TP53BP1: variants seen among roughly 807,000 people sequenced by gnomAD.
TP53BP1 encodes the protein tumor protein p53 binding protein 1, also known as TP53-binding protein 1.
A neutral mutation model predicts 200.8 loss-of-function variants in TP53BP1; 61 were observed. The ratio of observed to expected loss-of-function variants is 0.30; its 90% confidence interval spans 0.25 to 0.38. TP53BP1 has a LOEUF of 0.38. TP53BP1 is among the 10% of genes least tolerant of loss of function. The pLI is 1.00. For synonymous variants in TP53BP1, 822 were observed against 844.3 expected (o/e 0.97, Z 0.46); for missense variants, 2,144 against 2,371.9 (o/e 0.90, Z 2.00).
intron 1 of TP53BP1, among the ~76,000 whole-genome samples, chr15:43,509,912 G>A (rs1348833141): frequency 6.6e-6 from 1 of 152,138 alleles, no homozygotes; most frequent in East Asian, 1.9e-4. Context: ...TAGGGTGAAA[G>A]ATAGGCGCTC....
chr15:43,462,129 C>T (rs199946616), intron 11 of TP53BP1, among the ~76,000 whole-genome samples: 1 of 142,222 alleles, frequency 7.0e-6, no homozygotes, highest in Admixed American at 7.5e-5. Flanking sequence ...GTCAGGAGTT[C>T]GAGACCAGCC....
At chr15:43,439,015 A>G (rs190141370) in intron 15 of TP53BP1, among the ~76,000 whole-genome samples, 6 of 152,320 alleles carry the variant, frequency 3.9e-5, no homozygotes, top group Admixed American at 3.9e-4. Flanking sequence ...AAAATTATAT[A>G]ATGCTGAAAT....
chr15:43,458,494 C>T (rs1047624599), intron 11 of TP53BP1, among the ~76,000 whole-genome samples: 6 of 150,236 alleles, frequency 4.0e-5, no homozygotes, highest in African/African-American at 1.5e-4. Context: ...GGCATCGTGG[C>T]TCAGCCAGGG....
At chr15:43,491,476 A>C (rs2079121583) in intron 4 of TP53BP1, among the ~76,000 whole-genome samples, 193 bp downstream of exon 4, 1 of 152,168 alleles carries the variant, frequency 6.6e-6, no homozygotes, top group African/African-American at 2.4e-5. Flanking sequence ...TGTAGGTATA[A>C]AAATTATTAC....
intron 14 of TP53BP1, among the ~76,000 whole-genome samples, chr15:43,442,919 G>A (rs2045963663): frequency 1.4e-5 from 2 of 145,826 alleles, no homozygotes; most frequent in South Asian, 2.2e-4. Context: ...TCCGCCTCTC[G>A]GGTTCAAGAG....
At chr15:43,510,334 A>G (rs2079266015) in intron 1 of TP53BP1, 1 of 152,510 alleles carries the variant, frequency 6.6e-6, no homozygotes, top group Non-Finnish European at 1.5e-5. Flanking sequence ...GATGGAAACT[A>G]GCCAGCCAAC....
chr15:43,458,489 C>T lies in TP53BP1; in HGVS notation c.1390-1271G>A, dbSNP rs138493808. On this transcript the variant is annotated intron_variant, in intron 11 of 27. Coordinates refer to ENST00000382044, the MANE Select transcript of TP53BP1 (RefSeq NM_001141980.3). ...AATAGTTCACAAAACAGTCAGGCAT[C>T]GTGGCTCAGCCAGGGATGGTGGCTC... 5.5e-4 allele frequency among the ~76,000 whole-genome samples: 83 copies of T among 151,770 alleles called. 2 individuals carry two copies. The East Asian group carries it at 0.011, about 20-fold the overall frequency.
chr15:43,474,736 C>A lies in TP53BP1; in HGVS notation c.1117G>T (p.Asp373Tyr). 2 of 1,613,214 alleles carry A rather than the reference C, an allele frequency of 1.2e-6. No individual in the cohort carries two copies. Among genetic ancestry groups the A allele is most frequent in the Non-Finnish European group, 1.7e-6 (2 of 1,179,256 alleles). ...NSSDLVAPSPDAFRSTPFIVP... is the reference protein window; with the variant it reads ...NSSDLVAPSPYAFRSTPFIVP... The stretch of plus-strand genomic sequence containing the variant: ...ATAAAAGGAGTAGATCGGAAAGCAT[C>A]AGGAGAAGGAGCAACAAGATCTGAA... The change falls in exon 10 of 28, where the codon GAT (aspartate) becomes TAT (tyrosine). Residue 373 changes from aspartate (D) to tyrosine (Y), a missense_variant. Around this residue, in one of 4 missense-constraint regions of TP53BP1, gnomAD observed 1,700 missense variants for 1,710.3 expected, o/e 0.99. Transcript: ENST00000382044.
At chr15:43,454,110 C>A (rs2046236926) in intron 12 of TP53BP1, among the ~76,000 whole-genome samples, 1 of 151,508 alleles carries the variant, frequency 6.6e-6, no homozygotes, top group African/African-American at 2.4e-5. Flanking sequence ...GAGGCTGAGG[C>A]AGGAGAATTG....
At chr15:43,473,815 T>C (rs1424540126) in intron 10 of TP53BP1, among the ~76,000 whole-genome samples, 3 of 152,258 alleles carry the variant, frequency 2.0e-5, no homozygotes, top group Non-Finnish European at 4.4e-5. Context: ...CTTCACCCAG[T>C]GGATCTCGCA....
At chr15:43,495,018 A>G (rs981102102), upstream of TP53BP1, among the ~76,000 whole-genome samples, 5 of 151,710 alleles carry the variant, frequency 3.3e-5, no homozygotes, top group Non-Finnish European at 7.4e-5. Context: ...GCAAAAGCCC[A>G]TCTCTAAAAA....
intron 12 of TP53BP1, among the ~76,000 whole-genome samples, chr15:43,450,162 C>T (rs747251497): frequency 2.0e-5 from 3 of 152,166 alleles, no homozygotes; most frequent in African/African-American, 7.2e-5. Flanking sequence ...CAAAAGGAAA[C>T]TCAATACTAA....
chr15:43,412,725 G>A (rs2045153266), intron 24 of TP53BP1: 1 of 472,034 alleles, frequency 2.1e-6, no homozygotes, highest in Non-Finnish European at 4.4e-6. Flanking sequence ...TGGGGAAGAT[G>A]GCAGGGCATT....
In TP53BP1 at chr15:43,416,434, TA is replaced by T. The variant is rs1160470188; in HGVS notation, c.4682-19del. 3.7e-6 allele frequency: 6 copies of T among 1,610,876 alleles called. No homozygotes were observed. The highest frequency in any genetic ancestry group is 5.1e-6 in the Non-Finnish European group (6 of 1,178,400). On this transcript the variant is annotated intron_variant, in intron 21 of 27. Coordinates refer to ENST00000382044, the MANE Select transcript of TP53BP1 (RefSeq NM_001141980.3). ...CACCACTCCTGGGGGGTGGAAAGCA[TA>T]AAAGAAGCTTGCTGTTGTCTTAGGC...
At chr15:43,473,725 G>A (rs2046782857) in intron 10 of TP53BP1, among the ~76,000 whole-genome samples, 1 of 152,184 alleles carries the variant, frequency 6.6e-6, no homozygotes, top group Non-Finnish European at 1.5e-5. Context: ...TAGATACAGA[G>A]TGCCGATTGG....
At chr15:43,447,206 G>A (rs1338941799) in intron 13 of TP53BP1, 160 bp downstream of exon 13, 10 of 666,208 alleles carry the variant, frequency 1.5e-5, no homozygotes, top group Middle Eastern at 4.1e-4. Flanking sequence ...TCATCTCCTA[G>A]TAGTAAAATC....
At position 43,421,047 on chromosome 15, in the gene TP53BP1, G is replaced by A. The variant is rs1472740357; in HGVS notation, c.4228C>T (p.Pro1410Ser). Residue 1410 changes from proline to serine, a missense_variant, in exon 20 of 28, where the codon CCT becomes TCT. By Grantham distance (74) the Pro-to-Ser change is moderately conservative (BLOSUM62 -1). Coordinates refer to ENST00000382044, the MANE Select transcript of TP53BP1 (RefSeq NM_001141980.3). ...TACCTGGTTCCAGTGGTCCGAGAAG[G>A]TGGGCGGCCCCTTCGCCCACGCCCA... is the stretch of plus-strand genomic sequence containing the variant. ...PRGRGRRGRP[P>S]SRTTGTRETA... The A allele has an allele frequency of 3.1e-6, 5 of 1,613,594 alleles. No individual in the cohort carries two copies. Among genetic ancestry groups the A allele is most frequent in the Admixed American group, 1.7e-5 (1 of 59,874 alleles).
At position 43,469,435 on chromosome 15, in the gene TP53BP1, A is replaced by G. The variant is rs45483191; in HGVS notation, c.1389+423T>C. 5.6e-3 allele frequency among the ~76,000 whole-genome samples: 849 copies of G among 152,288 alleles called. 13 individuals carry two copies. Among genetic ancestry groups the G allele is most frequent in the African/African-American group, 0.02 (818 of 41,548 alleles). On this transcript the variant is annotated intron_variant, in intron 11 of 27. Transcript: ENST00000382044. ...AGAAAATTAAAGTTGTGCTATATAA[A>G]CACCTTTTTTAAAAAACATAAGCAT...
Position 43,420,699 on chromosome 15 carries a change from G to A in TP53BP1, c.4287C>T (p.Asp1429=). Residue 1429 remains aspartate (D), a synonymous_variant, in exon 21 of 28, where the codon GAC becomes GAT. Coordinates refer to ENST00000382044, the MANE Select transcript of TP53BP1 (RefSeq NM_001141980.3). ...CATCTGGTGACAAGTTAGGTGAAAT[G>A]TCCTCTATGCCCAAGGGGCCAGGCA... The part of the protein sequence containing the change: ...TAVPGPLGIE[D]ISPNLSPDDK... 1.2e-6 allele frequency: 2 copies of A among 1,614,172 alleles called. No individual in the cohort carries two copies. The highest frequency in any genetic ancestry group is 2.2e-5 in the East Asian group (1 of 44,884).
Sources: gnomAD v4.1 joint callset for allele counts (sites outside exome capture counted in the v4.1 genomes callset) on GRCh38, gnomAD v4.1.1 for gene constraint, gnomAD v4.1.1 regional missense constraint, MANE v1.5 for transcripts, NCBI Gene and HGNC (gene_info 2026-07-23, HGNC 2026-07-21) for gene names.